SGCZ: variants seen among roughly 807,000 people sequenced by gnomAD.
The protein encoded by SGCZ is zeta-sarcoglycan.
Under a neutral mutation model 41.3 loss-of-function variants are expected in SGCZ, and 40 were observed. The observed-to-expected ratio is 0.97, with a 90% CI of 0.75 to 1.26. The LOEUF (loss-of-function observed/expected upper bound fraction) is 1.26. Ranked by LOEUF, SGCZ falls within the 50% of genes most tolerant of loss-of-function variation. The pLI, the probability that SGCZ is intolerant of heterozygous loss-of-function variation, is 0.00. For missense variants in SGCZ, 552 were observed against 369.8 expected (o/e 1.49, Z -4.04); for synonymous variants, 206 against 137.5 (o/e 1.50, Z -3.49).
intron 4 of SGCZ, among the ~76,000 whole-genome samples, chr8:14,219,558 C>G (rs1806118742): frequency 6.6e-6 from 1 of 152,064 alleles, no homozygotes; most frequent in African/African-American, 2.4e-5. Context: ...ACCAGCCTGG[C>G]CAACATGATG....
chr8:14,558,509 A>C (rs1804101268), intron 1 of SGCZ, among the ~76,000 whole-genome samples: 1 of 150,530 alleles, frequency 6.6e-6, no homozygotes, highest in African/African-American at 2.4e-5. Context: ...CGGAAGGCAG[A>C]GGTTGCAGTG....
At chr8:14,379,198 ATAT>A (rs1804263003) in intron 2 of SGCZ, among the ~76,000 whole-genome samples, 1 of 152,206 alleles carries the variant, frequency 6.6e-6, no homozygotes, top group African/African-American at 2.4e-5. Context: ...TTTGCTGAAG[ATAT>A]TATTATATAC....
chr8:14,661,574 C>A (rs1008572647), intron 1 of SGCZ, among the ~76,000 whole-genome samples: 1 of 152,128 alleles, frequency 6.6e-6, no homozygotes, highest in Non-Finnish European at 1.5e-5. Context: ...TCATCCCTGA[C>A]TTCTTGGGAG....
At chr8:14,211,045 G>A (rs1338482278) in intron 4 of SGCZ, among the ~76,000 whole-genome samples, 1 of 152,110 alleles carries the variant, frequency 6.6e-6, no homozygotes, top group Non-Finnish European at 1.5e-5. Context: ...GTTTCCCAAA[G>A]GGAATGTGCT....
At chr8:14,698,811 A>T (rs1809044662) in intron 1 of SGCZ, among the ~76,000 whole-genome samples, 1 of 151,920 alleles carries the variant, frequency 6.6e-6, no homozygotes, top group South Asian at 2.1e-4. Context: ...ACAATCAGGG[A>T]CAGATTGAAT....
intron 4 of SGCZ, among the ~76,000 whole-genome samples, chr8:14,182,693 A>T (rs1239142349): frequency 6.6e-6 from 1 of 152,186 alleles, no homozygotes; most frequent in Non-Finnish European, 1.5e-5. Context: ...TGACAAAAGT[A>T]GATTATAATA....
chr8:14,101,297 A>C (rs1802012554), intron 7 of SGCZ, among the ~76,000 whole-genome samples: 1 of 115,488 alleles, frequency 8.7e-6, no homozygotes, highest in Non-Finnish European at 2.2e-5. Flanking sequence ...AGAGGGTAAG[A>C]GATGTGGAAG....
intron 1 of SGCZ, among the ~76,000 whole-genome samples, chr8:15,152,853 G>C (rs547270452): frequency 6.6e-6 from 1 of 152,246 alleles, no homozygotes; most frequent in African/African-American, 2.4e-5. Context: ...ATAATCTCCT[G>C]ACTGCTATAG....
At chr8:15,159,097 G>A (rs1799420827) in intron 1 of SGCZ, among the ~76,000 whole-genome samples, 1 of 152,124 alleles carries the variant, frequency 6.6e-6, no homozygotes. Context: ...TGAGAGGGGA[G>A]GGGGCCTAAG....
chr8:14,119,408 T>C (rs1802623979), intron 5 of SGCZ, among the ~76,000 whole-genome samples: 3 of 152,198 alleles, frequency 2.0e-5, no homozygotes, highest in African/African-American at 7.2e-5. Flanking sequence ...TGCACATAGA[T>C]TTTGTATCCT....
chr8:14,755,446 C>T (rs192420187), intron 1 of SGCZ, among the ~76,000 whole-genome samples: 86 of 152,016 alleles, frequency 5.7e-4, no homozygotes, highest in Admixed American at 2.3e-3. Flanking sequence ...TCATAAAACG[C>T]GGGAAAACTC....
At position 14,347,075 on chromosome 8, in the gene SGCZ, TC is replaced by T. The variant is rs1802912761; in HGVS notation, c.235-22872del. 5.3e-5 allele frequency among the ~76,000 whole-genome samples: 8 copies of T among 152,250 alleles called. 1 individual carries two copies. The highest frequency in any genetic ancestry group is 1.9e-4 in the African/African-American group (8 of 41,566). On this transcript the variant is annotated intron_variant, in intron 2 of 7. Transcript: ENST00000382080. ...AATCAGCCATAGAGAATATTAGCCC[TC>T]GTTAGTTGCCAGAGGCTACAATTTC...
intron 1 of SGCZ, among the ~76,000 whole-genome samples, chr8:14,924,171 T>G (rs1200194931): frequency 6.6e-6 from 1 of 152,234 alleles, no homozygotes. Context: ...ACCTATTTGT[T>G]GTTCCCACAG....
At chr8:15,150,439 T>C (rs1799146113) in intron 1 of SGCZ, among the ~76,000 whole-genome samples, 1 of 152,222 alleles carries the variant, frequency 6.6e-6, no homozygotes, top group South Asian at 2.1e-4. Context: ...CCATAGACCC[T>C]GCTGAGCATA....
intron 3 of SGCZ, among the ~76,000 whole-genome samples, chr8:14,242,153 A>T (rs187042825): frequency 1.3e-3 from 192 of 152,300 alleles, no homozygotes; most frequent in African/African-American, 1.6e-3. Flanking sequence ...ATATTTCCTT[A>T]AAAAAGCATT....
intron 1 of SGCZ, among the ~76,000 whole-genome samples, chr8:14,792,584 T>C (rs992146812): frequency 2.0e-5 from 3 of 152,020 alleles, no homozygotes; most frequent in African/African-American, 7.2e-5. Flanking sequence ...ATTATTATTA[T>C]ACTTTAAGTT....
intron 2 of SGCZ, among the ~76,000 whole-genome samples, chr8:14,406,191 C>G (rs1317139207): frequency 2.0e-5 from 3 of 152,114 alleles, no homozygotes; most frequent in Non-Finnish European, 4.4e-5. Context: ...TTCTGCACTT[C>G]CCTCCACCTG....
chr8:14,632,369 T>C (rs1473635395), intron 1 of SGCZ, among the ~76,000 whole-genome samples: 1 of 152,038 alleles, frequency 6.6e-6, no homozygotes, highest in Non-Finnish European at 1.5e-5. Flanking sequence ...TATTAAAATA[T>C]GTGGATGAAT....
At chr8:14,971,086 A>C (rs1187428176) in intron 1 of SGCZ, among the ~76,000 whole-genome samples, 1 of 152,090 alleles carries the variant, frequency 6.6e-6, no homozygotes, top group Non-Finnish European at 1.5e-5. Flanking sequence ...TTGCTAGTTT[A>C]TGAAAATACA....
Sources: gnomAD v4.1 joint callset for allele counts (sites outside exome capture counted in the v4.1 genomes callset) on GRCh38, gnomAD v4.1.1 for gene constraint, MANE v1.5 for transcripts, NCBI Gene and HGNC (gene_info 2026-07-23, HGNC 2026-07-21) for gene names.